Variants in NDUFA9 observed in about 807,000 individuals in gnomAD.
The protein encoded by NDUFA9 is NADH:ubiquinone oxidoreductase subunit A9.
A neutral mutation model predicts 45.9 loss-of-function variants in NDUFA9; 23 were observed. That is an observed-to-expected ratio of 0.50 (90% CI 0.36 to 0.71). NDUFA9 has a LOEUF of 0.71. NDUFA9 is among the 30% of genes least tolerant of loss of function. NDUFA9 has a pLI of 0.00. For missense variants in NDUFA9, 466 were observed against 488.2 expected (o/e 0.95, Z 0.43); for synonymous variants, 176 against 170.5 (o/e 1.03, Z -0.25).
At chr12:4,676,511 G>A (rs1039180499) in intron 8 of NDUFA9, among the ~76,000 whole-genome samples, 1 of 152,146 alleles carries the variant, frequency 6.6e-6, no homozygotes, top group African/African-American at 2.4e-5. Flanking sequence ...CAAACCATGA[G>A]TGAACCAAAT....
intron 7 of NDUFA9, 130 bp from the exon 8 acceptor site, chr12:4,669,611 G>T: frequency 1.6e-6 from 1 of 618,356 alleles, no homozygotes; most frequent in Admixed American, 2.9e-5. Flanking sequence ...GTTGAGATCA[G>T]TGTGGCCTTC....
chr12:4,659,164 A>G lies in NDUFA9; in HGVS notation c.539A>G (p.Tyr180Cys), dbSNP rs749838093. The G allele has an allele frequency of 1.2e-6, 2 of 1,611,280 alleles. No homozygotes were observed. The highest frequency in any genetic ancestry group is 3.3e-5 in the Admixed American group (2 of 59,848). ...GCGAATATTAAAAGCTCTTCTAGAT[A>G]TTTGAGAAATAAGGTAAGTAACAAA... Reference protein sequence around the residue: ...LNANIKSSSRYLRNKAVGEKV... With the variant: ...LNANIKSSSRCLRNKAVGEKV... Residue 180 changes from tyrosine to cysteine, a missense_variant, in exon 5 of 11, where the codon TAT becomes TGT. Physicochemically the swap from Tyr to Cys is radical, Grantham distance 194. Coordinates refer to ENST00000266544, the MANE Select transcript of NDUFA9 (RefSeq NM_005002.5).
intron 8 of NDUFA9, among the ~76,000 whole-genome samples, chr12:4,681,213 A>T (rs1006741200): frequency 5.9e-5 from 9 of 152,208 alleles, no homozygotes; most frequent in Non-Finnish European, 1.3e-4. Context: ...GGAATTTTCT[A>T]ACTATGAATC....
chr12:4,649,295 T>G, intron 1 of NDUFA9, 120 bp downstream of exon 1: 6 of 1,208,822 alleles, frequency 5.0e-6, no homozygotes, highest in African/African-American at 1.5e-5. Context: ...CTGGTTTCTC[T>G]AGGTTTGGAG....
intron 5 of NDUFA9, among the ~76,000 whole-genome samples, chr12:4,659,828 C>G (rs1945813748): frequency 6.6e-6 from 1 of 152,156 alleles, no homozygotes; most frequent in Admixed American, 6.5e-5. Context: ...CTGATAAGGA[C>G]AAGAGAGTTC....
chr12:4,676,420 C>T (rs1313825688), intron 8 of NDUFA9, among the ~76,000 whole-genome samples: 1 of 152,194 alleles, frequency 6.6e-6, no homozygotes, highest in Non-Finnish European at 1.5e-5. Context: ...ATCTCCTTAG[C>T]TGGTAAGCAA....
rs114259031 is a variant in NDUFA9, at chr12:4,668,227, G to A, written c.656-230G>A. Among the ~76,000 whole-genome samples, 667 of 152,278 alleles carry A rather than the reference G, an allele frequency of 4.4e-3. 10 individuals are homozygous for A. Among genetic ancestry groups the A allele is most frequent in the African/African-American group, 0.015 (642 of 41,556 alleles). ...GAGCAGACTAGTTGTCTAGACATTT[G>A]ACCTCTTTTCTTTGCTCTTCATGGT... is the stretch of plus-strand genomic sequence containing the variant. On this transcript the variant is annotated intron_variant, in intron 6 of 10. Transcript: ENST00000266544.
intron 8 of NDUFA9, among the ~76,000 whole-genome samples, chr12:4,678,790 A>G (rs1467673544): frequency 6.6e-6 from 1 of 152,218 alleles, no homozygotes; most frequent in Non-Finnish European, 1.5e-5. Flanking sequence ...TGAGGAAGAC[A>G]TGGAGTAATG....
rs3210090 is a variant in NDUFA9, at chr12:4,687,178, C to A, written c.*70C>A. Reference sequence around the variant, plus strand: ...CATGTGGTTTGAGCACCCAGCCAGGCGGTCTCTTTAGAGGATCCTGTACAC... The same window carrying A: ...CATGTGGTTTGAGCACCCAGCCAGGAGGTCTCTTTAGAGGATCCTGTACAC... On this transcript the variant is annotated 3_prime_UTR_variant, in exon 11 of 11. Coordinates refer to ENST00000266544, the MANE Select transcript of NDUFA9 (RefSeq NM_005002.5). 12 of 1,479,028 alleles carry A rather than the reference C, an allele frequency of 8.1e-6. No homozygotes were observed. Among genetic ancestry groups the A allele is most frequent in the Admixed American group, 2.0e-5 (1 of 49,840 alleles). 91.6% of individuals were successfully genotyped at this position (1,479,028 alleles called of 1,614,324 possible). A position where few individuals can be genotyped will look rare whatever the true frequency, so the allele number is the denominator to read the frequency against.
intron 8 of NDUFA9, among the ~76,000 whole-genome samples, chr12:4,679,909 G>A (rs1003556952): frequency 6.6e-6 from 1 of 152,202 alleles, no homozygotes; most frequent in South Asian, 2.1e-4. Context: ...CAGAAAAGGA[G>A]CAAAGTCCTT....
intron 1 of NDUFA9, among the ~76,000 whole-genome samples, chr12:4,653,972 T>C (rs190178685): frequency 1.3e-5 from 2 of 152,324 alleles, no homozygotes; most frequent in African/African-American, 4.8e-5. Context: ...GATTTATTGC[T>C]CATTTATTAC....
chr12:4,665,742 TTC>T (rs1945849191), intron 6 of NDUFA9, among the ~76,000 whole-genome samples: 2 of 105,892 alleles, frequency 1.9e-5, no homozygotes, highest in African/African-American at 3.4e-5. Context: ...ATTTGTTATT[TTC>T]TGTTTTTTTT....
chr12:4,672,104 G>A (rs1945890589), intron 8 of NDUFA9, among the ~76,000 whole-genome samples: 1 of 152,176 alleles, frequency 6.6e-6, no homozygotes, highest in African/African-American at 2.4e-5. Flanking sequence ...AGCCAAAACA[G>A]GGTGGGGTGT....
chr12:4,666,391 G>A (rs564557760), intron 6 of NDUFA9, among the ~76,000 whole-genome samples: 2 of 152,278 alleles, frequency 1.3e-5, no homozygotes, highest in Non-Finnish European at 2.9e-5. Context: ...TAATTTTGAT[G>A]TAGTCAGGCT....
chr12:4,669,842 A>AC, intron 8 of NDUFA9, 25 bp downstream of exon 8: 1 of 1,521,058 alleles, frequency 6.6e-7, no homozygotes, highest in Non-Finnish European at 9.1e-7. Flanking sequence ...TTTGAATTTT[A>AC]AATTGTGCTA....
rs111443474 is a variant in NDUFA9, at chr12:4,689,454, G to A, written c.*2346G>A. On this transcript the variant is annotated 3_prime_UTR_variant, in exon 11 of 11. Transcript: ENST00000266544. ...TAGGCAGAGGACCCTGCGGCCTTCC[G>A]CAGTGTTTGTGTCCCTGGGTACTTG... The A allele has an allele frequency of 0.11, 16,640 of 153,358 alleles. 935 individuals carry two copies. Among genetic ancestry groups the A allele is most frequent in the Middle Eastern group, 0.12 (37 of 300 alleles). 9.5% of individuals were successfully genotyped at this position (153,358 alleles called of 1,614,324 possible). A position where few individuals can be genotyped will look rare whatever the true frequency, so the allele number is the denominator to read the frequency against.
chr12:4,661,276 A>G (rs2137467398), intron 5 of NDUFA9, among the ~76,000 whole-genome samples: 1 of 152,320 alleles, frequency 6.6e-6, no homozygotes, highest in Admixed American at 6.5e-5. Flanking sequence ...CTCTTTTATT[A>G]GAAGGCAGAG....
chr12:4,678,655 G>A (rs4766272), intron 8 of NDUFA9, among the ~76,000 whole-genome samples: 64,710 of 151,888 alleles, frequency 0.43, 14,428 homozygotes, highest in Non-Finnish European at 0.5. Flanking sequence ...AGGCATATCA[G>A]CCCAGCAGAT....
intron 1 of NDUFA9, among the ~76,000 whole-genome samples, chr12:4,653,031 G>A (rs942859398): frequency 3.3e-5 from 5 of 152,246 alleles, no homozygotes; most frequent in African/African-American, 9.6e-5. Context: ...AAGCACGAAT[G>A]CTAAGCTCCG....
Sources: allele counts gnomAD v4.1 joint callset (sites outside exome capture counted in the v4.1 genomes callset), GRCh38; gene constraint gnomAD v4.1.1; transcripts MANE v1.5; gene names NCBI Gene and HGNC (gene_info 2026-07-23, HGNC 2026-07-21).